The following ZFP37 variants were observed in gnomAD, a reference collection of about 807,000 sequenced individuals.
ZFP37 encodes the protein ZFP37 zinc finger protein.
Under a neutral mutation model 52.1 loss-of-function variants are expected in ZFP37, and 38 were observed. The ratio of observed to expected loss-of-function variants is 0.73; its 90% CI spans 0.56 to 0.96. ZFP37 has a LOEUF of 0.96. ZFP37 is among the 40% of genes least tolerant of loss of function. ZFP37 has a pLI of 0.00. For missense variants in ZFP37, 695 were observed against 741.4 expected (o/e 0.94, Z 0.73); for synonymous variants, 253 against 259.5 (o/e 0.98, Z 0.24).
chr9:113,043,115 G>A lies in ZFP37; in HGVS notation c.1503C>T (p.Ser501=). 6.2e-7 allele frequency: 1 copy of A among 1,613,574 alleles called. No homozygotes were observed. The highest frequency in any genetic ancestry group is 8.5e-7 in the Non-Finnish European group (1 of 1,179,936). ...TTCTCATATGGTAAGTAAGAGATGA[G>A]CTATGTCCAAAGGCTTTTCCACACT... is the stretch of plus-strand genomic sequence containing the variant. ...CNECGKAFGH[S]SSLTYHMRTH... The change falls in exon 4 of 4, where the codon AGC becomes AGT. Residue 501 remains serine, a synonymous_variant. Transcript: ENST00000374227.
intron 1 of ZFP37, among the ~76,000 whole-genome samples, chr9:113,053,325 CTATAAAGTTT>C (rs554516304): frequency 1.2e-3 from 183 of 152,300 alleles, no homozygotes; most frequent in African/African-American, 4.1e-3. Flanking sequence ...CAATTAAAAA[CTATAAAGTTT>C]TAACTTCCTT....
At position 113,043,210 on chromosome 9, in the gene ZFP37, A is replaced by C. The variant is rs1302310948; in HGVS notation, c.1408T>G (p.Phe470Val). The C allele has an allele frequency of 6.2e-6, 10 of 1,613,820 alleles. No homozygotes were observed. The highest frequency in any genetic ancestry group is 1.7e-5 in the Admixed American group (1 of 59,964). Reference sequence around the variant, plus strand: ...ATAATGAGGTGTGACTTCTTGCTGAAAGCTTTCCCACATTCATTACATTCA... The same window carrying C: ...ATAATGAGGTGTGACTTCTTGCTGACAGCTTTCCCACATTCATTACATTCA... ...PFECNECGKA[F>V]SKKSHLIIHQ... Residue 470 changes from phenylalanine (F) to valine (V), a missense_variant, in exon 4 of 4, where the codon TTC (phenylalanine) becomes GTC (valine). This residue lies in a region of ZFP37 where 326 missense variants were observed against 400.5 expected (regional missense o/e 0.81). Coordinates refer to ENST00000374227, the MANE Select transcript of ZFP37 (RefSeq NM_003408.3).
At chr9:113,045,719 A>G (rs1313543531) in intron 3 of ZFP37, among the ~76,000 whole-genome samples, 1 of 152,244 alleles carries the variant, frequency 6.6e-6, no homozygotes, top group Non-Finnish European at 1.5e-5. Context: ...TAGTCCAATA[A>G]TATTCTTTTG....
Position 113,049,481 on chromosome 9 carries a change from T to A in ZFP37, c.230A>T (p.Lys77Ile). 1.2e-6 allele frequency: 2 copies of A among 1,613,376 alleles called. No individual in the cohort carries two copies. The highest frequency in any genetic ancestry group is 1.7e-6 in the Non-Finnish European group (2 of 1,179,538). Residue 77 changes from lysine to isoleucine, a missense_variant, in exon 3 of 4, where the codon AAA becomes ATA. Lys to Ile is a moderately radical substitution (Grantham distance 102, BLOSUM62 -3). This residue lies in a region of ZFP37 where 369 missense variants were observed against 340.9 expected (regional missense o/e 1.08). Coordinates refer to ENST00000374227, the MANE Select transcript of ZFP37 (RefSeq NM_003408.3). ...NQASMGCQAP[K>I]PDMISKLEKG... is the part of the protein sequence containing the mutation. Reference sequence around the variant, plus strand: ...TTCCAACTTGGAGATCATGTCTGGTTTGGGAGCTTGACACCCTGCTCATGA... The same window carrying A: ...TTCCAACTTGGAGATCATGTCTGGTATGGGAGCTTGACACCCTGCTCATGA...
At position 113,040,084 on chromosome 9, in the gene ZFP37, G is replaced by T. The variant is rs1476950533; in HGVS notation, c.*2641C>A. ...TACGTATCGATTCAGACTTACCACT[G>T]TGTGTCTGTTTTCCTATACTAACCT... On this transcript the variant is annotated 3_prime_UTR_variant, in exon 4 of 4. Transcript: ENST00000374227. 6.6e-6 allele frequency: 1 copy of T among 152,222 alleles called. No individual in the cohort carries two copies. The highest frequency in any genetic ancestry group is 2.4e-5 in the African/African-American group (1 of 41,456). The allele number at this position is 152,222 out of a possible 1,614,324, so 9.4% of individuals were successfully genotyped here.
At chr9:113,050,558 T>C (rs1473545634) in intron 1 of ZFP37, among the ~76,000 whole-genome samples, 1 of 151,906 alleles carries the variant, frequency 6.6e-6, no homozygotes, top group Non-Finnish European at 1.5e-5. Flanking sequence ...TTGAGCAGTA[T>C]TTATAGTTCT....
intron 3 of ZFP37, 125 bp downstream of exon 3, chr9:113,049,237 T>TAA: frequency 1.9e-6 from 2 of 1,072,454 alleles, no homozygotes; most frequent in Admixed American, 5.6e-5. Context: ...GTTTGAAATA[T>TAA]TCTTTCCTCA....
At position 113,040,378 on chromosome 9, in the gene ZFP37, C is replaced by G. The variant is rs1828826884; in HGVS notation, c.*2347G>C. ...TCATTCTGTGCATAGTGCTATATTT[C>G]CACTTGTTAAGAAATTACTGGTAGA... On this transcript the variant is annotated 3_prime_UTR_variant, in exon 4 of 4. Coordinates refer to ENST00000374227, the MANE Select transcript of ZFP37 (RefSeq NM_003408.3). 1 of 152,186 alleles carries G rather than the reference C, an allele frequency of 6.6e-6. No homozygotes were observed. The highest frequency in any genetic ancestry group is 1.5e-5 in the Non-Finnish European group (1 of 68,044). The allele number at this position is 152,186 out of a possible 1,614,324, so 9.4% of individuals were successfully genotyped here.
intron 2 of ZFP37, 67 bp downstream of exon 2, chr9:113,049,724 T>C: frequency 1.3e-6 from 2 of 1,571,722 alleles, no homozygotes; most frequent in Non-Finnish European, 1.7e-6. Flanking sequence ...AGGCCAAACT[T>C]ATCAAGGACT....
chr9:113,046,822 T>G (rs561229991), intron 3 of ZFP37, among the ~76,000 whole-genome samples: 51 of 152,244 alleles, frequency 3.3e-4, no homozygotes, highest in Admixed American at 2.0e-3. Flanking sequence ...TATAAGAACC[T>G]GAACTGGCCG....
In ZFP37 at chr9:113,040,929, A is replaced by G. The variant is rs1291515351; in HGVS notation, c.*1796T>C. ...TTAGTGTAACAACTTAGATTTCAAA[A>G]TAGTTCAGAAGTTTTGTGCATTTTT... is the stretch of plus-strand genomic sequence containing the variant. On this transcript the variant is annotated 3_prime_UTR_variant, in exon 4 of 4. Transcript: ENST00000374227. 3 of 152,084 alleles carry G rather than the reference A, an allele frequency of 2.0e-5. No individual in the cohort carries two copies. Among genetic ancestry groups the G allele is most frequent in the Non-Finnish European group, 4.4e-5 (3 of 68,024 alleles). 9.4% of individuals were successfully genotyped at this position (152,084 alleles called of 1,614,324 possible). A position where few individuals can be genotyped will look rare whatever the true frequency, so the allele number is the denominator to read the frequency against.
intron 3 of ZFP37, 126 bp from the exon 4 acceptor site, chr9:113,044,394 T>C: frequency 1.3e-6 from 1 of 783,488 alleles, no homozygotes; most frequent in South Asian, 2.3e-5. Flanking sequence ...CCAATGTGAA[T>C]GAAACAACTA....
chr9:113,044,689 A>G (rs1171280924), intron 3 of ZFP37, among the ~76,000 whole-genome samples: 1 of 152,086 alleles, frequency 6.6e-6, no homozygotes, highest in Non-Finnish European at 1.5e-5. Context: ...TATTACCCCA[A>G]TTCTCCATGG....
intron 3 of ZFP37, among the ~76,000 whole-genome samples, chr9:113,046,144 A>ATATATATAGACAGATATATATC (rs1564344821): frequency 1.3e-4 from 19 of 150,398 alleles, no homozygotes; most frequent in African/African-American, 3.4e-4. Flanking sequence ...ATATCTGTCT[A>ATATATATAGACAGATATATATC]TATATATAGA....
chr9:113,044,544 T>C (rs968669079), intron 3 of ZFP37, among the ~76,000 whole-genome samples: 2 of 152,124 alleles, frequency 1.3e-5, no homozygotes, highest in Non-Finnish European at 2.9e-5. Context: ...CAGGGAGAAG[T>C]GAACAGGGAA....
rs1000124039 is a variant in ZFP37 at position 113,039,998 on chromosome 9, T to C, written c.*2727A>G. On this transcript the variant is annotated 3_prime_UTR_variant, in exon 4 of 4. Coordinates refer to ENST00000374227, the MANE Select transcript of ZFP37 (RefSeq NM_003408.3). Reference sequence around the variant, plus strand: ...TATGTCTGTGACGAGGCCCAAGAATTTGCATTCTCAAGTCTGTGTTTTAAC... The same window carrying C: ...TATGTCTGTGACGAGGCCCAAGAATCTGCATTCTCAAGTCTGTGTTTTAAC... 1.3e-5 allele frequency: 2 copies of C among 152,180 alleles called. No individual in the cohort carries two copies. Among genetic ancestry groups the C allele is most frequent in the Admixed American group, 6.5e-5 (1 of 15,274 alleles). 9.4% of individuals were successfully genotyped at this position (152,180 alleles called of 1,614,324 possible). A position where few individuals can be genotyped will look rare whatever the true frequency, so the allele number is the denominator to read the frequency against.
rs956498453 is a variant in ZFP37 at position 113,042,328 on chromosome 9, T to G, written c.*397A>C. ...ATACAGATGGCCACACTCATTTACA[T>G]AAGGCAATAAACAGATATGCAAATT... is the stretch of plus-strand genomic sequence containing the variant. On this transcript the variant is annotated 3_prime_UTR_variant, in exon 4 of 4. Transcript: ENST00000374227. The G allele has an allele frequency of 6.2e-6, 1 of 161,482 alleles. No individual in the cohort carries two copies. The highest frequency in any genetic ancestry group is 1.3e-5 in the Non-Finnish European group (1 of 74,184). The allele number at this position is 161,482 out of a possible 1,614,324, so 10.0% of individuals were successfully genotyped here. A position where few individuals can be genotyped will look rare whatever the true frequency, so the allele number is the denominator to read the frequency against.
chr9:113,045,099 T>C (rs951515397), intron 3 of ZFP37, among the ~76,000 whole-genome samples: 2 of 152,156 alleles, frequency 1.3e-5, no homozygotes, highest in African/African-American at 2.4e-5. Flanking sequence ...ACTTTTGTTA[T>C]TATATCCAAA....
chr9:113,043,871 A>C lies in ZFP37; in HGVS notation c.747T>G (p.His249Gln). ...SDKCNKTGKK[H>Q]DKLCCHSSSH... Reference sequence around the variant, plus strand: ...ATGAACTATGACAGCATAATTTGTCATGTTTTTTGCCAGTTTTGTTACACT... The same window carrying C: ...ATGAACTATGACAGCATAATTTGTCCTGTTTTTTGCCAGTTTTGTTACACT... The change falls in exon 4 of 4, where the codon CAT becomes CAG. Residue 249 changes from histidine (H) to glutamine (Q), a missense_variant. By Grantham distance (24) the His-to-Gln change is conservative. Transcript: ENST00000374227. The C allele has an allele frequency of 6.2e-7, 1 of 1,614,020 alleles. No individual in the cohort carries two copies. The highest frequency in any genetic ancestry group is 8.5e-7 in the Non-Finnish European group (1 of 1,179,942).
Sources: gnomAD v4.1 joint callset for allele counts (sites outside exome capture counted in the v4.1 genomes callset) on GRCh38, gnomAD v4.1.1 for gene constraint, gnomAD v4.1.1 regional missense constraint, MANE v1.5 for transcripts, NCBI Gene and HGNC (gene_info 2026-07-23, HGNC 2026-07-21) for gene names.